The following SPAG16 variants were observed in gnomAD, a reference collection of about 807,000 sequenced individuals.
SPAG16 encodes the protein sperm associated antigen 16, also known as sperm-associated antigen 16 protein.
Under a neutral mutation model 80.4 loss-of-function variants are expected in SPAG16, and 86 were observed. That is an observed-to-expected ratio of 1.07 (90% CI 0.90 to 1.28). The LOEUF (loss-of-function observed/expected upper bound fraction) is 1.28. SPAG16 is among the 50% of genes most tolerant of loss of function. SPAG16 has a pLI of 0.00. For missense variants in SPAG16, 870 were observed against 765.3 expected, an observed-to-expected ratio of 1.14 and a Z score of -1.61; for synonymous variants, 294 against 265.9, an observed-to-expected ratio of 1.11 and a Z score of -1.03.
At chr2:213,537,083 A>G (rs1354579239) in intron 10 of SPAG16, among the ~76,000 whole-genome samples, 1 of 148,234 alleles carries the variant, frequency 6.7e-6, no homozygotes, top group Non-Finnish European at 1.5e-5. Context: ...AACACCACAT[A>G]TTCTCACTCA....
chr2:213,541,895 G>A (rs1434864990), intron 10 of SPAG16, among the ~76,000 whole-genome samples: 2 of 152,158 alleles, frequency 1.3e-5, no homozygotes, highest in Non-Finnish European at 2.9e-5. Flanking sequence ...CTCACTGGGG[G>A]TTGACACGTA....
intron 9 of SPAG16, among the ~76,000 whole-genome samples, chr2:213,398,336 T>G (rs1191589383): frequency 6.6e-6 from 1 of 152,140 alleles, no homozygotes; most frequent in Non-Finnish European, 1.5e-5. Context: ...AATTTTCCAG[T>G]AACCTCCCAT....
At chr2:213,377,903 A>ATAT (rs1232783678) in intron 9 of SPAG16, among the ~76,000 whole-genome samples, 22 of 20,716 alleles carry the variant, frequency 1.1e-3, no homozygotes, top group African/African-American at 4.1e-3. Context: ...ATATATATAT[A>ATAT]TTTTTTTTTT....
rs534317803 is a variant in SPAG16 at position 213,790,531 on chromosome 2, T to C, written c.1071-71954T>C. Among the ~76,000 whole-genome samples the C allele has an allele frequency of 5.9e-5, 9 of 152,038 alleles. No homozygotes were observed. In the South Asian group the frequency reaches 1.4e-3, roughly 24 times the overall value. On this transcript the variant is annotated intron_variant, in intron 10 of 15. Coordinates refer to ENST00000331683, the MANE Select transcript of SPAG16 (RefSeq NM_024532.5). ...TTGTTAATTTCTACCTCTTCTGTACTTATATTTTCATTAATATATTTAAAA... is the reference window on the plus strand; with the variant it reads ...TTGTTAATTTCTACCTCTTCTGTACCTATATTTTCATTAATATATTTAAAA...
intron 1 of SPAG16, among the ~76,000 whole-genome samples, chr2:213,286,644 G>C (rs149779167): frequency 6.6e-6 from 1 of 152,334 alleles, no homozygotes; most frequent in Non-Finnish European, 1.5e-5. Flanking sequence ...GAAATCTGAT[G>C]TCCTCTGCTT....
intron 12 of SPAG16, among the ~76,000 whole-genome samples, chr2:213,986,150 G>A (rs1276032617): frequency 6.6e-6 from 1 of 152,062 alleles, no homozygotes; most frequent in African/African-American, 2.4e-5. Flanking sequence ...GGGTTATATG[G>A]AAAGATTTCA....
At chr2:213,908,448 T>A (rs1363075997) in intron 11 of SPAG16, among the ~76,000 whole-genome samples, 1 of 152,204 alleles carries the variant, frequency 6.6e-6, no homozygotes, top group Non-Finnish European at 1.5e-5. Context: ...CGTGCAAATA[T>A]TTTTCAGGTT....
chr2:214,323,159 A>G (rs1389082199), intron 15 of SPAG16, among the ~76,000 whole-genome samples: 1 of 152,066 alleles, frequency 6.6e-6, no homozygotes, highest in African/African-American at 2.4e-5. Flanking sequence ...TATTTGTCCT[A>G]CGGTTTTTAT....
chr2:214,177,900 CATATATATATATATACATATAT>C (rs1344313333), intron 15 of SPAG16, among the ~76,000 whole-genome samples: 7 of 64,006 alleles, frequency 1.1e-4, no homozygotes, highest in African/African-American at 4.1e-4. Flanking sequence ...TATATATATA[CATATATATATATATACATATAT>C]ATATATATAT....
chr2:214,114,739 A>G (rs1559810017), intron 14 of SPAG16, among the ~76,000 whole-genome samples: 1 of 152,196 alleles, frequency 6.6e-6, no homozygotes, highest in African/African-American at 2.4e-5. Context: ...GGAAAGGGAA[A>G]TCCCCCAAAC....
chr2:213,376,011 A>G (rs1301826162), intron 9 of SPAG16, among the ~76,000 whole-genome samples: 1 of 150,728 alleles, frequency 6.6e-6, no homozygotes, highest in Non-Finnish European at 1.5e-5. Context: ...TATTTATACA[A>G]TACCAGAATC....
At chr2:213,410,766 C>T (rs1456654096) in intron 9 of SPAG16, among the ~76,000 whole-genome samples, 1 of 152,182 alleles carries the variant, frequency 6.6e-6, no homozygotes, top group Non-Finnish European at 1.5e-5. Flanking sequence ...CCCAGATTGT[C>T]CCCTTTCCAC....
chr2:214,158,651 T>C (rs1319694243), intron 15 of SPAG16, among the ~76,000 whole-genome samples: 1 of 152,044 alleles, frequency 6.6e-6, no homozygotes, highest in Non-Finnish European at 1.5e-5. Flanking sequence ...GTGTCATTGG[T>C]TAATTCCTTA....
intron 15 of SPAG16, among the ~76,000 whole-genome samples, chr2:214,286,592 C>A (rs550515262): frequency 5.9e-5 from 9 of 152,132 alleles, no homozygotes; most frequent in African/African-American, 2.2e-4. Context: ...ACTAAAAATA[C>A]AAACATTAGC....
chr2:213,388,109 G>C (rs1033138193), intron 9 of SPAG16, among the ~76,000 whole-genome samples: 1 of 152,152 alleles, frequency 6.6e-6, no homozygotes, highest in South Asian at 2.1e-4. Context: ...TAGTATATCA[G>C]CACCTACCTT....
At chr2:213,459,201 T>A (rs1172149150) in intron 9 of SPAG16, among the ~76,000 whole-genome samples, 1 of 152,220 alleles carries the variant, frequency 6.6e-6, no homozygotes, top group African/African-American at 2.4e-5. Flanking sequence ...ATTTTCTGCA[T>A]TCTTGTTGGT....
chr2:213,395,162 T>G (rs1466394963), intron 9 of SPAG16, among the ~76,000 whole-genome samples: 1 of 152,152 alleles, frequency 6.6e-6, no homozygotes, highest in Non-Finnish European at 1.5e-5. Flanking sequence ...TTTTATGGAC[T>G]TTTTTTCAAA....
At position 213,499,539 on chromosome 2, in the gene SPAG16, G is replaced by A. The variant is rs1175032280; in HGVS notation, c.1070+9449G>A. ...CTATAGCCAGGTTTTTCAACATACT[G>A]TGTATTATCTACTTATAACCTGGCT... On this transcript the variant is annotated intron_variant, in intron 10 of 15. Transcript: ENST00000331683. Among the ~76,000 whole-genome samples the A allele has an allele frequency of 2.6e-5, 4 of 152,084 alleles. No homozygotes were observed. The East Asian group carries it at 7.7e-4, about 29-fold the overall frequency.
chr2:214,215,256 C>T (rs954886461), intron 15 of SPAG16, among the ~76,000 whole-genome samples: 8 of 152,052 alleles, frequency 5.3e-5, no homozygotes, highest in Non-Finnish European at 8.8e-5. Context: ...AACTGATCAG[C>T]TGGAACAAAA....
Sources: gnomAD v4.1 joint callset for allele counts (sites outside exome capture counted in the v4.1 genomes callset) on GRCh38, gnomAD v4.1.1 for gene constraint, MANE v1.5 for transcripts, NCBI Gene and HGNC (gene_info 2026-07-23, HGNC 2026-07-21) for gene names.